Variants in TP63 observed in about 807,000 individuals in gnomAD.
TP63 encodes the protein tumor protein 63.
A neutral mutation model predicts 82.8 loss-of-function variants in TP63; 17 were observed. That is an observed-to-expected ratio of 0.21 (90% CI 0.14 to 0.31). The LOEUF (loss-of-function observed/expected upper bound fraction) is 0.31. TP63 is among the 10% of genes least tolerant of loss of function. The pLI, the probability that TP63 is intolerant of heterozygous loss-of-function variation, is 1.00. For missense variants in TP63, 648 were observed against 895.3 expected (o/e 0.72, Z 3.52); for synonymous variants, 330 against 321.7 (o/e 1.03, Z -0.28).
chr3:189,609,689 T>C, the TP63 span, among the ~76,000 whole-genome samples: 1 of 152,214 alleles, frequency 6.6e-6, no homozygotes, highest in African/African-American at 2.4e-5. Context: ...CCTCCATTCA[T>C]GTTCATGCAA....
intron 10 of TP63, among the ~76,000 whole-genome samples, chr3:189,885,720 C>G (rs927708993): frequency 2.0e-5 from 3 of 151,978 alleles, no homozygotes; most frequent in Non-Finnish European, 2.9e-5. Flanking sequence ...TTTTTCATTT[C>G]TCCCAGGAGA....
intron 1 of TP63, among the ~76,000 whole-genome samples, chr3:189,735,609 A>G (rs73055237): frequency 2.3e-4 from 35 of 152,292 alleles, no homozygotes; most frequent in African/African-American, 6.7e-4. Flanking sequence ...CTTTGTCCCT[A>G]TCATCTCCAT....
At chr3:189,709,622 G>A (rs924960759) in intron 1 of TP63, among the ~76,000 whole-genome samples, 1 of 151,940 alleles carries the variant, frequency 6.6e-6, no homozygotes, top group Non-Finnish European at 1.5e-5. Flanking sequence ...TCCAGCCTGG[G>A]CAACAGAGCA....
chr3:189,768,018 G>A (rs145098429), intron 3 of TP63, among the ~76,000 whole-genome samples: 184 of 152,138 alleles, frequency 1.2e-3, no homozygotes, highest in African/African-American at 4.2e-3. Flanking sequence ...AGCACATCAC[G>A]TAAAACAAAT....
intron 1 of TP63, among the ~76,000 whole-genome samples, chr3:189,719,588 C>G (rs1031422460): frequency 6.6e-6 from 1 of 152,292 alleles, no homozygotes; most frequent in South Asian, 2.1e-4. Flanking sequence ...ATATTTTCAG[C>G]TTTGCAGGCC....
chr3:189,675,542 C>T (rs555687275), intron 1 of TP63, among the ~76,000 whole-genome samples: 1 of 152,210 alleles, frequency 6.6e-6, no homozygotes, highest in South Asian at 2.1e-4. Flanking sequence ...ATATAAGTCA[C>T]ATATAAATTT....
chr3:189,603,134 A>G, the TP63 span, among the ~76,000 whole-genome samples: 1 of 152,166 alleles, frequency 6.6e-6, no homozygotes, highest in Non-Finnish European at 1.5e-5. Context: ...AAAACCAGTT[A>G]TATAGTGGGA....
At chr3:189,748,372 T>C (rs1721534639) in intron 3 of TP63, among the ~76,000 whole-genome samples, 1 of 151,926 alleles carries the variant, frequency 6.6e-6, no homozygotes, top group African/African-American at 2.4e-5. Context: ...CAAAAATCAG[T>C]AGCATTTCTA....
chr3:189,673,236 A>G (rs543209703), intron 1 of TP63, among the ~76,000 whole-genome samples: 11 of 152,270 alleles, frequency 7.2e-5, no homozygotes, highest in African/African-American at 2.6e-4. Context: ...GGAACTAGGA[A>G]AGAAGGGAAT....
intron 3 of TP63, among the ~76,000 whole-genome samples, chr3:189,793,931 T>C (rs538335424): frequency 6.6e-6 from 1 of 152,064 alleles, no homozygotes; most frequent in Non-Finnish European, 1.5e-5. Context: ...TGGTATCCAA[T>C]AGAGTACTAC....
At chr3:189,637,801 A>T (rs937781357) in intron 1 of TP63, among the ~76,000 whole-genome samples, 2 of 152,162 alleles carry the variant, frequency 1.3e-5, no homozygotes, top group African/African-American at 4.8e-5. Flanking sequence ...ACAGCAAAGC[A>T]GAATTAAGGT....
chr3:189,874,957 T>C (rs569994610), intron 10 of TP63, among the ~76,000 whole-genome samples: 2 of 151,588 alleles, frequency 1.3e-5, no homozygotes, highest in African/African-American at 4.8e-5. Flanking sequence ...GCTGAACTAG[T>C]TGCTCTTCAG....
chr3:189,868,504 G>A, intron 7 of TP63, 76 bp from the exon 8 acceptor site: 1 of 1,586,954 alleles, frequency 6.3e-7, no homozygotes, highest in Non-Finnish European at 8.6e-7. Context: ...TATGGGAAGT[G>A]GAAGTGGTAG....
intron 4 of TP63, among the ~76,000 whole-genome samples, chr3:189,839,075 A>G (rs965482002): frequency 2.0e-5 from 3 of 151,434 alleles, no homozygotes; most frequent in Non-Finnish European, 4.4e-5. Flanking sequence ...GAAAAAGAAA[A>G]AGTAGATTTA....
intron 1 of TP63, among the ~76,000 whole-genome samples, chr3:189,706,860 A>G (rs553303423): frequency 5.9e-5 from 9 of 152,352 alleles, no homozygotes; most frequent in Admixed American, 5.2e-4. Context: ...TGATACTTCA[A>G]TGGAGAGTCC....
chr3:189,891,246 AGCAGG>A (rs1419820651), intron 13 of TP63, among the ~76,000 whole-genome samples: 1 of 152,244 alleles, frequency 6.6e-6, no homozygotes, highest in Non-Finnish European at 1.5e-5. Flanking sequence ...CAGAAAGGAT[AGCAGG>A]GCACCGGTGG....
At chr3:189,772,988 G>T (rs761059994) in intron 3 of TP63, among the ~76,000 whole-genome samples, 6 of 152,172 alleles carry the variant, frequency 3.9e-5, no homozygotes, top group Non-Finnish European at 8.8e-5. Context: ...AGACAACGGG[G>T]TCTTTCCTTT....
chr3:189,780,006 G>C (rs1724105911), intron 3 of TP63, among the ~76,000 whole-genome samples: 1 of 152,152 alleles, frequency 6.6e-6, no homozygotes. Context: ...GGTATCCCAA[G>C]AATTGAGTAA....
At chr3:189,749,974 A>C (rs1302135938) in intron 3 of TP63, among the ~76,000 whole-genome samples, 1 of 151,974 alleles carries the variant, frequency 6.6e-6, no homozygotes, top group East Asian at 1.9e-4. Flanking sequence ...ATACAAAAAA[A>C]TTAGCCAGGC....
Sources: allele counts gnomAD v4.1 joint callset (sites outside exome capture counted in the v4.1 genomes callset), GRCh38; gene constraint gnomAD v4.1.1; transcripts MANE v1.5; gene names NCBI Gene and HGNC (gene_info 2026-07-23, HGNC 2026-07-21).